Variants in PRIMPOL observed in about 807,000 individuals in gnomAD.
PRIMPOL encodes the protein primase and DNA directed polymerase, also known as DNA-directed primase/polymerase protein.
Under a neutral mutation model 63.6 loss-of-function variants are expected in PRIMPOL, and 54 were observed. The ratio of observed to expected loss-of-function variants is 0.85; its 90% CI spans 0.68 to 1.07. PRIMPOL has a LOEUF of 1.07. Ranked by LOEUF, PRIMPOL falls within the 50% of genes least tolerant of loss-of-function variation. The pLI is 0.00. For missense variants in PRIMPOL, 610 were observed against 648.3 expected, an observed-to-expected ratio of 0.94 and a Z score of 0.64; for synonymous variants, 197 against 220.2, an observed-to-expected ratio of 0.89 and a Z score of 0.93.
intron 11 of PRIMPOL, among the ~76,000 whole-genome samples, chr4:184,687,708 G>A (rs947219715): frequency 5.3e-5 from 8 of 152,152 alleles, no homozygotes; most frequent in East Asian, 3.9e-4. Context: ...TCTGTCTCCC[G>A]GGTTCAAGCA....
intron 1 of PRIMPOL, 29 bp downstream of exon 1, chr4:184,649,937 G>C (rs79125711): frequency 0.012 from 1,820 of 152,372 alleles, 39 homozygotes; most frequent in African/African-American, 0.041. Context: ...GCGATGACCT[G>C]AGGCCTTTCT....
chr4:184,670,566 G>A lies in PRIMPOL; in HGVS notation c.557-1607G>A, dbSNP rs80308942. On this transcript the variant is annotated intron_variant, in intron 6 of 13. Coordinates refer to ENST00000314970, the MANE Select transcript of PRIMPOL (RefSeq NM_152683.4). ...AGTAATTTTTTTTTTTTTTTTTTGT[G>A]AGACAAGAGTCTCACTCTGTCACCT... Among the ~76,000 whole-genome samples, 606 of 108,104 alleles carry A rather than the reference G, an allele frequency of 5.6e-3. 3 individuals are homozygous for A. The highest frequency in any genetic ancestry group is 0.023 in the African/African-American group (587 of 25,564). 70.9% of individuals were successfully genotyped at this position (108,104 alleles called of 152,430 possible). A position where few individuals can be genotyped will look rare whatever the true frequency, so the allele number is the denominator to read the frequency against.
At chr4:184,678,601 C>T (rs941298084) in intron 8 of PRIMPOL, among the ~76,000 whole-genome samples, 1 of 149,204 alleles carries the variant, frequency 6.7e-6, no homozygotes, top group Non-Finnish European at 1.5e-5. Flanking sequence ...TATCTAGGCT[C>T]AGTGCAAGCT....
In PRIMPOL at chr4:184,678,223, T is replaced by C. The variant is rs1754619322; in HGVS notation, c.845-9T>C. On this transcript the variant is annotated splice_polypyrimidine_tract_variant and intron_variant, in intron 7 of 13. Coordinates refer to ENST00000314970, the MANE Select transcript of PRIMPOL (RefSeq NM_152683.4). ...TGCTTTCATATTGTTTTATCAATTT[T>C]TGATGTAGGAGTTTATACAAGAAAT... 6.5e-7 allele frequency: 1 copy of C among 1,527,180 alleles called. No individual in the cohort carries two copies. Among genetic ancestry groups the C allele is most frequent in the African/African-American group, 1.4e-5 (1 of 71,246 alleles). 94.6% of individuals were successfully genotyped at this position (1,527,180 alleles called of 1,614,324 possible). A position where few individuals can be genotyped will look rare whatever the true frequency, so the allele number is the denominator to read the frequency against.
intron 7 of PRIMPOL, among the ~76,000 whole-genome samples, chr4:184,677,155 A>AT (rs1579529727): frequency 8.0e-6 from 1 of 125,322 alleles, no homozygotes; most frequent in East Asian, 2.3e-4. Flanking sequence ...TTATTTCTTT[A>AT]TTTTTTGTAG....
chr4:184,657,064 G>A lies in PRIMPOL; in HGVS notation c.-59-18G>A, dbSNP rs1746654382. 2 of 1,099,618 alleles carry A rather than the reference G, an allele frequency of 1.8e-6. No individual in the cohort carries two copies. Among genetic ancestry groups the A allele is most frequent in the Admixed American group, 3.0e-5 (1 of 32,830 alleles). The allele number at this position is 1,099,618 out of a possible 1,614,324, so 68.1% of individuals were successfully genotyped here. ...AAACAAAGAAATTAATGGCCTTTTT[G>A]TTTGTTGTTTGTTTTAGTAGTAATT... On this transcript the variant is annotated intron_variant, in intron 2 of 13. Coordinates refer to ENST00000314970, the MANE Select transcript of PRIMPOL (RefSeq NM_152683.4).
At chr4:184,674,140 G>A (rs12508147) in intron 7 of PRIMPOL, among the ~76,000 whole-genome samples, 8,032 of 152,182 alleles carry the variant, frequency 0.053, 283 homozygotes, top group Middle Eastern at 0.085. Context: ...ACCTAACCTT[G>A]AAAGTCAGGC....
chr4:184,673,442 T>TG (rs1373918756), intron 7 of PRIMPOL, among the ~76,000 whole-genome samples: 3 of 147,942 alleles, frequency 2.0e-5, no homozygotes, highest in African/African-American at 7.5e-5. Flanking sequence ...TTTTTTTTTT[T>TG]TAAGATGGAG....
intron 11 of PRIMPOL, among the ~76,000 whole-genome samples, chr4:184,686,848 A>G (rs1360869764): frequency 6.6e-6 from 1 of 152,190 alleles, no homozygotes; most frequent in Non-Finnish European, 1.5e-5. Context: ...TATATGCTCA[A>G]TACACAAAGC....
chr4:184,664,229 A>G (rs1749181536), intron 5 of PRIMPOL, among the ~76,000 whole-genome samples: 1 of 152,234 alleles, frequency 6.6e-6, no homozygotes, highest in African/African-American at 2.4e-5. Flanking sequence ...TGTAGCTCCG[A>G]AAGTACAGAA....
intron 7 of PRIMPOL, among the ~76,000 whole-genome samples, chr4:184,674,433 C>T (rs1056909691): frequency 1.3e-5 from 2 of 152,180 alleles, no homozygotes; most frequent in Admixed American, 6.5e-5. Flanking sequence ...CCTTCCGGTC[C>T]GGACCCTCCC....
At chr4:184,668,108 A>G (rs146520056) in intron 6 of PRIMPOL, among the ~76,000 whole-genome samples, 47 of 152,282 alleles carry the variant, frequency 3.1e-4, no homozygotes, top group Middle Eastern at 3.4e-3. Flanking sequence ...ATATGCATCT[A>G]TGTTGATGAC....
intron 13 of PRIMPOL, among the ~76,000 whole-genome samples, chr4:184,693,147 T>C (rs566012956): frequency 2.0e-5 from 3 of 152,304 alleles, no homozygotes; most frequent in African/African-American, 7.2e-5. Context: ...CTCCATATGT[T>C]TGAAATGGTG....
At chr4:184,673,205 C>G (rs1752327398) in intron 7 of PRIMPOL, among the ~76,000 whole-genome samples, 1 of 151,426 alleles carries the variant, frequency 6.6e-6, no homozygotes, top group South Asian at 2.1e-4. Context: ...TCTCAGCTCA[C>G]TGCAAGCTCC....
intron 8 of PRIMPOL, 87 bp from the exon 9 acceptor site, chr4:184,682,161 A>G: frequency 1.6e-6 from 1 of 641,258 alleles, no homozygotes; most frequent in Non-Finnish European, 2.8e-6. Flanking sequence ...ATGAGGAACT[A>G]TTAGGAATTC....
At chr4:184,678,480 C>A in intron 8 of PRIMPOL, 86 bp downstream of exon 8, 50 of 799,684 alleles carry the variant, frequency 6.3e-5, no homozygotes, top group Admixed American at 9.4e-5. Context: ...AAATGTAAAT[C>A]ATCTAAATTC....
At chr4:184,654,452 A>AGTTTTTTTTTGTT (rs1553985955) in intron 2 of PRIMPOL, among the ~76,000 whole-genome samples, 20 of 126,574 alleles carry the variant, frequency 1.6e-4, no homozygotes, top group East Asian at 8.6e-4. Context: ...AAGTTAAAGC[A>AGTTTTTTTTTGTT]GTTTTTTTTT....
chr4:184,665,363 T>C (rs948957931), intron 5 of PRIMPOL, among the ~76,000 whole-genome samples: 3 of 152,188 alleles, frequency 2.0e-5, no homozygotes, highest in African/African-American at 7.2e-5. Flanking sequence ...CCCCCGTGCT[T>C]GCTGCCTTTC....
At position 184,691,497 on chromosome 4, in the gene PRIMPOL, A is replaced by C. The variant is rs1161074232; in HGVS notation, c.1296-2A>C. On this transcript the variant is annotated splice_acceptor_variant, in intron 11 of 13. Transcript: ENST00000314970. LOFTEE classifies it high-confidence loss of function. ...ACTTTTTTTTTTTTTTTAAACATAA[A>C]GGATTCTGGTTGATCTGAAAAATGA... 6.5e-7 allele frequency: 1 copy of C among 1,547,478 alleles called. No homozygotes were observed. Among genetic ancestry groups the C allele is most frequent in the African/African-American group, 1.4e-5 (1 of 72,560 alleles).
Sources: gnomAD v4.1 joint callset for allele counts (sites outside exome capture counted in the v4.1 genomes callset) on GRCh38, gnomAD v4.1.1 for gene constraint, MANE v1.5 for transcripts, NCBI Gene and HGNC (gene_info 2026-07-23, HGNC 2026-07-21) for gene names.